The following KTN1 variants were observed in gnomAD, a reference collection of about 807,000 sequenced individuals.
KTN1 encodes kinectin 1.
A neutral mutation model predicts 222.5 loss-of-function variants in KTN1; 130 were observed. The ratio of observed to expected loss-of-function variants is 0.58; its 90% confidence interval spans 0.51 to 0.68. The LOEUF is 0.68. Ranked by LOEUF, KTN1 falls within the 30% of genes least tolerant of loss-of-function variation. The pLI, the probability that KTN1 is intolerant of heterozygous loss-of-function variation, is 0.00. For synonymous variants in KTN1, 512 were observed against 496.3 expected (o/e 1.03, Z -0.42); for missense variants, 1,508 against 1,500.4 (o/e 1.01, Z -0.08).
rs2042837871 is a variant in KTN1 at position 55,650,571 on chromosome 14, T to A, written c.2499T>A (p.Asp833Glu). The A allele has an allele frequency of 6.2e-7, 1 of 1,610,606 alleles. No homozygotes were observed. Among genetic ancestry groups the A allele is most frequent in the African/African-American group, 1.3e-5 (1 of 74,824 alleles). Residue 833 changes from aspartate (D) to glutamate (E), a missense_variant and splice_region_variant, in exon 24 of 44, where the codon GAT (aspartate) becomes GAA (glutamate). Coordinates refer to ENST00000395314, the MANE Select transcript of KTN1 (RefSeq NM_001079521.2). ...KVANKEKTVQ[D>E]LKQEIKALKE... ...TTGTCTGTTTTGTCATTGTCAAGGA[T>A]TTGAAACAGGAAATAAAGGCTCTAA...
At chr14:55,585,054 C>T (rs998543435) in intron 1 of KTN1, among the ~76,000 whole-genome samples, 2 of 149,750 alleles carry the variant, frequency 1.3e-5, no homozygotes, top group African/African-American at 2.5e-5. Context: ...ATTGCTTGAG[C>T]CAGGGAGGTG....
chr14:55,661,440 T>C, intron 31 of KTN1, 82 bp from the exon 32 acceptor site: 1 of 728,270 alleles, frequency 1.4e-6, no homozygotes, highest in Non-Finnish European at 2.4e-6. Context: ...TATTTTGTAA[T>C]AGCAAATGTT....
At position 55,647,010 on chromosome 14, in the gene KTN1, AAG is replaced by A. The variant is rs746469612; in HGVS notation, c.2207+6_2207+7del. 6.7e-7 allele frequency: 1 copy of A among 1,499,586 alleles called. No homozygotes were observed. The highest frequency in any genetic ancestry group is 2.3e-5 in the East Asian group (1 of 44,064). 92.9% of individuals were successfully genotyped at this position (1,499,586 alleles called of 1,614,324 possible). On this transcript the variant is annotated splice_donor_5th_base_variant and intron_variant, in intron 19 of 43. Transcript: ENST00000395314. ...GTTGTGGAACAAATGGAAAAATGGT[AAG>A]AGTTTAGTTTTCTTTTTATATTTTG...
chr14:55,608,970 T>G (rs1222101024), intron 1 of KTN1, among the ~76,000 whole-genome samples: 2 of 152,014 alleles, frequency 1.3e-5, no homozygotes, highest in African/African-American at 4.8e-5. Flanking sequence ...GCAAATAAAT[T>G]CCTAGGGATA....
chr14:55,645,960 T>C (rs1292540907), intron 18 of KTN1, among the ~76,000 whole-genome samples: 3 of 152,064 alleles, frequency 2.0e-5, no homozygotes, highest in Non-Finnish European at 4.4e-5. Context: ...AGTAAGAAAC[T>C]AGCAAGATTG....
At chr14:55,591,392 AT>A (rs1426248907) in intron 1 of KTN1, among the ~76,000 whole-genome samples, 2 of 152,060 alleles carry the variant, frequency 1.3e-5, no homozygotes, top group Non-Finnish European at 2.9e-5. Context: ...GAGACAAGAC[AT>A]TTTCAACTTT....
Position 55,675,396 on chromosome 14 carries a change from A to G in KTN1, c.3772-439A>G, listed in dbSNP as rs1352464665. On this transcript the variant is annotated intron_variant, in intron 40 of 43. Transcript: ENST00000395314. ...TCAGTATTTTGGGAGTTTTAATTTGACTGGATTTGTAGTCTTCTATTCAGT... is the reference window on the plus strand; with the variant it reads ...TCAGTATTTTGGGAGTTTTAATTTGGCTGGATTTGTAGTCTTCTATTCAGT... The G allele has an allele frequency of 1.9e-5, 3 of 156,232 alleles. No individual in the cohort carries two copies. The East Asian group carries it at 5.6e-4, about 29-fold the overall frequency. 9.7% of individuals were successfully genotyped at this position (156,232 alleles called of 1,614,324 possible).
chr14:55,625,114 C>G (rs1024409700), intron 5 of KTN1, among the ~76,000 whole-genome samples: 25 of 152,130 alleles, frequency 1.6e-4, no homozygotes, highest in African/African-American at 6.0e-4. Context: ...TCAGACTTCC[C>G]AAATTCCAGT....
At chr14:55,619,429 A>G in intron 5 of KTN1, 117 bp downstream of exon 5, 2 of 902,344 alleles carry the variant, frequency 2.2e-6, no homozygotes, top group Non-Finnish European at 3.4e-6. Flanking sequence ...CAGAACATAC[A>G]TCTGGAATGC....
intron 39 of KTN1, 54 bp from the exon 40 acceptor site, chr14:55,673,118 C>G (rs955754801): frequency 4.9e-5 from 74 of 1,512,136 alleles, no homozygotes; most frequent in Admixed American, 4.5e-4. Flanking sequence ...GAGTAGCATA[C>G]AAAACATGGG....
intron 43 of KTN1, chr14:55,679,974 A>G (rs1296625102): frequency 2.1e-5 from 7 of 339,208 alleles, no homozygotes; most frequent in East Asian, 6.8e-5. Context: ...AATACCTGCA[A>G]CGGCTTCGTT....
intron 5 of KTN1, among the ~76,000 whole-genome samples, chr14:55,625,964 T>C (rs1243270445): frequency 6.6e-6 from 1 of 152,172 alleles, no homozygotes; most frequent in Non-Finnish European, 1.5e-5. Flanking sequence ...TCTGACCTAC[T>C]CTACACACAT....
At chr14:55,633,881 G>A (rs573905124) in intron 8 of KTN1, among the ~76,000 whole-genome samples, 2 of 152,268 alleles carry the variant, frequency 1.3e-5, no homozygotes, top group African/African-American at 4.8e-5. Flanking sequence ...GTTCATGCCT[G>A]TAATCCTGGC....
At chr14:55,623,952 T>C (rs1037320448) in intron 5 of KTN1, among the ~76,000 whole-genome samples, 5 of 152,090 alleles carry the variant, frequency 3.3e-5, no homozygotes, top group Admixed American at 1.3e-4. Flanking sequence ...AACTCTAGAG[T>C]CTGGGTGGTA....
At chr14:55,617,821 A>G (rs949097221) in intron 3 of KTN1, 143 bp from the exon 4 acceptor site, 12 of 593,880 alleles carry the variant, frequency 2.0e-5, no homozygotes, top group Non-Finnish European at 2.9e-5. Flanking sequence ...GACTTGTTAA[A>G]TGACGAAATA....
At position 55,649,826 on chromosome 14, in the gene KTN1, A is replaced by G; in HGVS notation, c.2405+13A>G. 4 of 1,451,300 alleles carry G rather than the reference A, an allele frequency of 2.8e-6. No individual in the cohort carries two copies. The highest frequency in any genetic ancestry group is 3.8e-6 in the Non-Finnish European group (4 of 1,056,384). The allele number at this position is 1,451,300 out of a possible 1,614,324, so 89.9% of individuals were successfully genotyped here. A position where few individuals can be genotyped will look rare whatever the true frequency, so the allele number is the denominator to read the frequency against. On this transcript the variant is annotated intron_variant, in intron 22 of 43. Coordinates refer to ENST00000395314, the MANE Select transcript of KTN1 (RefSeq NM_001079521.2). ...AACTTAAGAAAGTGTAAGTGATAAC[A>G]TTATTATAAACTGGTTTTTCTTCTT...
intron 1 of KTN1, chr14:55,601,803 T>C (rs10083303): frequency 0.077 from 11,681 of 152,260 alleles, 498 homozygotes; most frequent in South Asian, 0.12. Flanking sequence ...TGGTGTGACC[T>C]TGGCTTGCTG....
chr14:55,678,072 C>G (rs1390593684), intron 41 of KTN1, among the ~76,000 whole-genome samples: 1 of 152,246 alleles, frequency 6.6e-6, no homozygotes, highest in Non-Finnish European at 1.5e-5. Context: ...CCAGATTTGA[C>G]TAACCTGTAA....
Position 55,619,913 on chromosome 14 carries a change from A to G in KTN1, c.963+601A>G, listed in dbSNP as rs375304747. 3.3e-5 allele frequency among the ~76,000 whole-genome samples: 5 copies of G among 152,132 alleles called. No individual in the cohort carries two copies. In the South Asian group the frequency reaches 8.3e-4, roughly 25 times the overall value. On this transcript the variant is annotated intron_variant, in intron 5 of 43. Transcript: ENST00000395314. ...GTCCCCCAAAGTCTTAACTAATTTC[A>G]TCATTAATTCAAAAGTCCACAGTCC...
Sources: allele counts gnomAD v4.1 joint callset (sites outside exome capture counted in the v4.1 genomes callset), GRCh38; gene constraint gnomAD v4.1.1; transcripts MANE v1.5; gene names NCBI Gene and HGNC (gene_info 2026-07-23, HGNC 2026-07-21).